Variants in PCTP observed in about 807,000 individuals in gnomAD.
PCTP encodes phosphatidylcholine transfer protein, also known as START domain-containing protein 2.
PCTP carries 27 observed loss-of-function variants against 31.0 expected under a neutral mutation model. The observed-to-expected ratio is 0.87, with a 90% CI of 0.64 to 1.20. The LOEUF (loss-of-function observed/expected upper bound fraction) is 1.20. PCTP is among the 50% of genes most tolerant of loss of function. PCTP has a pLI of 0.00. For synonymous variants in PCTP, 108 were observed against 101.2 expected, an observed-to-expected ratio of 1.07 and a Z score of -0.40; for missense variants, 287 against 268.2, an observed-to-expected ratio of 1.07 and a Z score of -0.49.
chr17:55,776,135 A>T lies in PCTP; in HGVS notation c.*35A>T, dbSNP rs1178015626. On this transcript the variant is annotated 3_prime_UTR_variant, in exon 6 of 6. Transcript: ENST00000268896. Reference sequence around the variant, plus strand: ...CTGGGAACATTGCATCCATGGGTTGATGTCTCTGGAAGTGCAACCACCCAA... The same window carrying T: ...CTGGGAACATTGCATCCATGGGTTGTTGTCTCTGGAAGTGCAACCACCCAA... 9 of 1,612,054 alleles carry T rather than the reference A, an allele frequency of 5.6e-6. No homozygotes were observed. In the East Asian group the frequency reaches 2.0e-4, roughly 36 times the overall value.
intron 3 of PCTP, among the ~76,000 whole-genome samples, chr17:55,812,698 G>A (rs1018917316): frequency 1.3e-5 from 2 of 152,184 alleles, no homozygotes; most frequent in Non-Finnish European, 2.9e-5. Flanking sequence ...GGAAGATGAT[G>A]GATTTGTTGA....
intron 3 of PCTP, among the ~76,000 whole-genome samples, chr17:55,805,196 T>G (rs1912535711): frequency 6.6e-6 from 1 of 152,184 alleles, no homozygotes; most frequent in South Asian, 2.1e-4. Context: ...CAAACTATTT[T>G]CCTCGTTTCT....
the PCTP span, among the ~76,000 whole-genome samples, chr17:55,852,076 A>G: frequency 6.6e-6 from 1 of 152,184 alleles, no homozygotes; most frequent in African/African-American, 2.4e-5. Flanking sequence ...TTTTTTACTC[A>G]ACTTTATATT....
intron 3 of PCTP, among the ~76,000 whole-genome samples, chr17:55,797,106 C>T (rs145011790): frequency 7.2e-5 from 11 of 151,862 alleles, no homozygotes; most frequent in South Asian, 2.1e-4. Context: ...TTGAGAAAAA[C>T]GTAAAATTCG....
At chr17:55,794,126 T>G (rs937423046) in intron 3 of PCTP, among the ~76,000 whole-genome samples, 4 of 152,068 alleles carry the variant, frequency 2.6e-5, no homozygotes, top group African/African-American at 9.7e-5. Flanking sequence ...AACCTCCTTT[T>G]TTGCATCATA....
chr17:55,774,824 CA>C lies in PCTP; in HGVS notation c.547del (p.Ile183PhefsTer18). ...FMYYFDNPGG[Q>X]IPSWLINWAA... ...GTATTACTTCGATAACCCGGGTGGCCAAATTCCGTCCTGGCTCATTAACTGG... is the reference window on the plus strand; with the variant it reads ...GTATTACTTCGATAACCCGGGTGGCCAATTCCGTCCTGGCTCATTAACTGG... On this transcript the variant is annotated frameshift_variant, in exon 5 of 6. Coordinates refer to ENST00000268896, the MANE Select transcript of PCTP (RefSeq NM_021213.4). LOFTEE classifies it high-confidence loss of function. 6.2e-7 allele frequency: 1 copy of C among 1,608,086 alleles called. No individual in the cohort carries two copies. Among genetic ancestry groups the C allele is most frequent in the Non-Finnish European group, 8.5e-7 (1 of 1,178,924 alleles).
intron 5 of PCTP, among the ~76,000 whole-genome samples, chr17:55,836,399 A>T (rs1905779059): frequency 6.6e-6 from 1 of 152,230 alleles, no homozygotes; most frequent in Non-Finnish European, 1.5e-5. Context: ...TTCATTGAAT[A>T]TACCAAGTGC....
intron 5 of PCTP, among the ~76,000 whole-genome samples, chr17:55,840,728 AG>A (rs1434117134): frequency 3.9e-5 from 6 of 152,242 alleles, no homozygotes; most frequent in East Asian, 1.9e-4. Flanking sequence ...ACCTTATCAT[AG>A]GTACATAGGT....
intron 3 of PCTP, among the ~76,000 whole-genome samples, chr17:55,814,167 T>C (rs1342264233): frequency 1.3e-5 from 2 of 152,230 alleles, no homozygotes; most frequent in Non-Finnish European, 2.9e-5. Context: ...TAATCTCCAT[T>C]CTAGAGTGTG....
intron 1 of PCTP, among the ~76,000 whole-genome samples, chr17:55,763,277 A>C (rs1295422145): frequency 6.6e-6 from 1 of 152,238 alleles, no homozygotes; most frequent in Non-Finnish European, 1.5e-5. Flanking sequence ...TTGTTTGTAT[A>C]AACAATGGTG....
In PCTP at chr17:55,776,173, T is replaced by G. The variant is rs2144975310; in HGVS notation, c.*73T>G. 1.3e-6 allele frequency: 2 copies of G among 1,579,128 alleles called. No homozygotes were observed. Among genetic ancestry groups the G allele is most frequent in the East Asian group, 4.6e-5 (2 of 43,414 alleles). Reference sequence around the variant, plus strand: ...TGCAACCACCCAATGTCTCTGGAAGTGCCACCTGGAAGTGCCACCTGGAAG... The same window carrying G: ...TGCAACCACCCAATGTCTCTGGAAGGGCCACCTGGAAGTGCCACCTGGAAG... On this transcript the variant is annotated 3_prime_UTR_variant, in exon 6 of 6. Transcript: ENST00000268896.
At chr17:55,850,841 G>T in the PCTP span, among the ~76,000 whole-genome samples, 22 of 152,188 alleles carry the variant, frequency 1.4e-4, no homozygotes, top group Admixed American at 3.9e-4. Flanking sequence ...ATTTTTCTCC[G>T]TATGAAATTC....
At chr17:55,810,758 G>A (rs1188616774) in intron 3 of PCTP, among the ~76,000 whole-genome samples, 1 of 152,192 alleles carries the variant, frequency 6.6e-6, no homozygotes, top group Non-Finnish European at 1.5e-5. Context: ...ATAGTCAGGA[G>A]GGAAATTGGG....
At chr17:55,822,858 A>C (rs945722155) in exon 4 of PCTP, 4 of 1,212,888 alleles carry the variant, frequency 3.3e-6, no homozygotes, top group Non-Finnish European at 4.1e-6. Flanking sequence ...TGGAAGGAAG[A>C]GGAAGGACAT....
chr17:55,810,792 A>G (rs913839811), intron 3 of PCTP, among the ~76,000 whole-genome samples: 1 of 152,226 alleles, frequency 6.6e-6, no homozygotes, highest in Non-Finnish European at 1.5e-5. Context: ...ACGCAGAACT[A>G]TGTGTTGAGC....
At chr17:55,798,865 AT>A (rs1469502206) in intron 3 of PCTP, among the ~76,000 whole-genome samples, 1 of 152,022 alleles carries the variant, frequency 6.6e-6, no homozygotes, top group African/African-American at 2.4e-5. Context: ...AACAACAGTA[AT>A]GTTATATAAG....
chr17:55,776,334 C>T lies in PCTP; in HGVS notation c.*234C>T. 1 of 1,359,910 alleles carries T rather than the reference C, an allele frequency of 7.4e-7. No homozygotes were observed. Among genetic ancestry groups the T allele is most frequent in the East Asian group, 2.7e-5 (1 of 36,414 alleles). The allele number at this position is 1,359,910 out of a possible 1,614,324, so 84.2% of individuals were successfully genotyped here. A position where few individuals can be genotyped will look rare whatever the true frequency, so the allele number is the denominator to read the frequency against. ...ACTCGTCTGCTTCCTTTCTCGCTCC[C>T]CCCATCCTGGGCTGGGCTGCCTTCT... On this transcript the variant is annotated 3_prime_UTR_variant, in exon 6 of 6. Coordinates refer to ENST00000268896, the MANE Select transcript of PCTP (RefSeq NM_021213.4).
At chr17:55,802,323 T>C (rs889034104) in intron 3 of PCTP, among the ~76,000 whole-genome samples, 1 of 152,088 alleles carries the variant, frequency 6.6e-6, no homozygotes, top group Non-Finnish European at 1.5e-5. Flanking sequence ...CTGAAACTAT[T>C]CCAAACAATA....
At position 55,830,421 on chromosome 17, in the gene PCTP, A is replaced by AT. The variant is rs779400761; in HGVS notation, n.505+7503dup. 2.6e-3 allele frequency among the ~76,000 whole-genome samples: 402 copies of AT among 151,710 alleles called. 2 individuals are homozygous for AT. The highest frequency in any genetic ancestry group is 3.4e-3 in the Middle Eastern group (1 of 294). The stretch of plus-strand genomic sequence containing the variant: ...GGTGTGATTTTCTGGCTAGTCAGCG[A>AT]TTTTTTTTTCTTTTAGCTTTAGGTT... On this transcript the variant is annotated intron_variant and non_coding_transcript_variant, in intron 5 of 5. Transcript: ENST00000576221.
Sources: allele counts gnomAD v4.1 joint callset (sites outside exome capture counted in the v4.1 genomes callset), GRCh38; gene constraint gnomAD v4.1.1; transcripts MANE v1.5; gene names NCBI Gene and HGNC (gene_info 2026-07-23, HGNC 2026-07-21).